Variants in KCNN2 observed in about 807,000 individuals in gnomAD.
KCNN2 encodes small conductance calcium-activated potassium channel protein 2.
A neutral mutation model predicts 55.5 loss-of-function variants in KCNN2; 24 were observed. The ratio of observed to expected loss-of-function variants is 0.43; its 90% CI spans 0.31 to 0.61. The LOEUF (loss-of-function observed/expected upper bound fraction) is 0.61, where lower values mean the gene tolerates loss of function less well. Ranked by LOEUF, KCNN2 falls within the 20% of genes least tolerant of loss-of-function variation. The pLI, the probability that KCNN2 is intolerant of heterozygous loss-of-function variation, is 0.08. For missense variants in KCNN2, 754 were observed against 853.6 expected (o/e 0.88, Z 1.45); for synonymous variants, 431 against 336.1 (o/e 1.28, Z -3.09).
chr5:114,473,545 CTG>C (rs1761844699), intron 5 of KCNN2, among the ~76,000 whole-genome samples: 1 of 152,128 alleles, frequency 6.6e-6, no homozygotes, highest in Non-Finnish European at 1.5e-5. Flanking sequence ...GATCAAGTCA[CTG>C]TTCTCAAGAC....
At chr5:114,217,906 A>G (rs1754039100) in intron 1 of KCNN2, among the ~76,000 whole-genome samples, 2 of 152,248 alleles carry the variant, frequency 1.3e-5, no homozygotes, top group Admixed American at 1.3e-4. Context: ...CAACAATAAG[A>G]AAATGACCAA....
chr5:114,451,765 C>G (rs112374932), intron 3 of KCNN2, among the ~76,000 whole-genome samples: 1 of 151,680 alleles, frequency 6.6e-6, no homozygotes, highest in Non-Finnish European at 1.5e-5. Flanking sequence ...GGCATGGTAG[C>G]GGGTGCCTGT....
chr5:114,488,686 A>ACAGGCATCTTC (rs1365278482), intron 6 of KCNN2, among the ~76,000 whole-genome samples: 7 of 152,110 alleles, frequency 4.6e-5, no homozygotes, highest in Admixed American at 1.3e-4. Context: ...TTCCTGTGGA[A>ACAGGCATCTTC]CAGGCATCTT....
chr5:114,441,095 A>G (rs140078622), intron 3 of KCNN2, among the ~76,000 whole-genome samples: 1 of 152,332 alleles, frequency 6.6e-6, no homozygotes, highest in African/African-American at 2.4e-5. Flanking sequence ...AGGAATAAAA[A>G]AAGATCACTA....
chr5:114,176,315 TA>T (rs1753130560), intron 1 of KCNN2, among the ~76,000 whole-genome samples: 1 of 152,208 alleles, frequency 6.6e-6, no homozygotes, highest in Non-Finnish European at 1.5e-5. Context: ...ACAACGCTTA[TA>T]ATCATAAGTT....
At chr5:114,080,495 T>C (rs1439532432) in intron 1 of KCNN2, among the ~76,000 whole-genome samples, 1 of 152,344 alleles carries the variant, frequency 6.6e-6, no homozygotes, top group East Asian at 1.9e-4. Context: ...ATTCATGTTA[T>C]CTGTTTCTTT....
At chr5:114,102,520 G>A (rs1751393523) in intron 1 of KCNN2, among the ~76,000 whole-genome samples, 1 of 152,174 alleles carries the variant, frequency 6.6e-6, no homozygotes, top group African/African-American at 2.4e-5. Flanking sequence ...CCATTCCTAT[G>A]TCCTGAATGG....
At chr5:114,316,537 G>A (rs1470931432) in intron 2 of KCNN2, among the ~76,000 whole-genome samples, 1 of 152,082 alleles carries the variant, frequency 6.6e-6, no homozygotes, top group Middle Eastern at 3.2e-3. Context: ...ACAATTGTTG[G>A]GTACTTTTCC....
intron 2 of KCNN2, among the ~76,000 whole-genome samples, chr5:114,327,830 T>C (rs1386205491): frequency 2.0e-5 from 3 of 152,200 alleles, no homozygotes; most frequent in African/African-American, 2.4e-5. Context: ...CAAACAGATA[T>C]ATGTCAATAT....
At chr5:114,423,296 C>A (rs1204933377) in intron 3 of KCNN2, among the ~76,000 whole-genome samples, 1 of 152,066 alleles carries the variant, frequency 6.6e-6, no homozygotes, top group African/African-American at 2.4e-5. Context: ...ATGGTGTCCT[C>A]AGATTTAATT....
intron 3 of KCNN2, among the ~76,000 whole-genome samples, chr5:114,415,877 T>A (rs1360788803): frequency 6.6e-6 from 1 of 152,172 alleles, no homozygotes; most frequent in Non-Finnish European, 1.5e-5. Flanking sequence ...TGTGTACCCT[T>A]GGCTTTCTCT....
intron 2 of KCNN2, among the ~76,000 whole-genome samples, chr5:114,241,206 C>G (rs1754611753): frequency 2.0e-5 from 3 of 151,578 alleles, no homozygotes; most frequent in African/African-American, 7.3e-5. Context: ...TCTAATGTCA[C>G]AAAAATAGCA....
At chr5:114,354,879 A>G (rs1262203375) in intron 2 of KCNN2, among the ~76,000 whole-genome samples, 5 of 152,192 alleles carry the variant, frequency 3.3e-5, no homozygotes, top group Non-Finnish European at 7.4e-5. Flanking sequence ...TACATTAATA[A>G]TTAAAACAGA....
At chr5:114,457,540 TCA>T (rs1262145712) in intron 3 of KCNN2, among the ~76,000 whole-genome samples, 1 of 152,196 alleles carries the variant, frequency 6.6e-6, no homozygotes, top group Non-Finnish European at 1.5e-5. Flanking sequence ...ACCTATGTTA[TCA>T]CAGTCTTTCT....
At chr5:114,393,389 G>T (rs895822101) in intron 2 of KCNN2, among the ~76,000 whole-genome samples, 1 of 152,088 alleles carries the variant, frequency 6.6e-6, no homozygotes, top group Admixed American at 6.6e-5. Context: ...GTGTTTGGCT[G>T]TGTACACTGT....
chr5:114,474,072 C>A lies in KCNN2; in HGVS notation c.1890+908C>A, dbSNP rs769064890. Among the ~76,000 whole-genome samples the A allele has an allele frequency of 1.9e-4, 29 of 152,238 alleles. No homozygotes were observed. The Middle Eastern group carries it at 0.01, about 54-fold the overall frequency. ...AGGCTGTCAGTGAAATAACAAAATA[C>A]ATTGTCAACTTGGTAACTTTACCCA... On this transcript the variant is annotated intron_variant, in intron 5 of 7. Coordinates refer to ENST00000673685, the MANE Select transcript of KCNN2 (RefSeq NM_021614.4).
intron 1 of KCNN2, among the ~76,000 whole-genome samples, chr5:114,135,973 G>T (rs1752166156): frequency 6.6e-6 from 1 of 152,064 alleles, no homozygotes; most frequent in Non-Finnish European, 1.5e-5. Flanking sequence ...GCTACATAAA[G>T]AAGGAACAGA....
intron 2 of KCNN2, among the ~76,000 whole-genome samples, chr5:114,278,338 TCA>T (rs972074615): frequency 3.5e-5 from 5 of 144,838 alleles, no homozygotes; most frequent in African/African-American, 1.5e-4. Flanking sequence ...CTGTCCATTA[TCA>T]GAGCTCGAAT....
At chr5:114,113,460 G>C (rs1384532329) in intron 1 of KCNN2, among the ~76,000 whole-genome samples, 4 of 151,998 alleles carry the variant, frequency 2.6e-5, no homozygotes, top group Non-Finnish European at 5.9e-5. Context: ...TCCCTCTTAG[G>C]TTCATTGGCT....
Sources: gnomAD v4.1 joint callset for allele counts (sites outside exome capture counted in the v4.1 genomes callset) on GRCh38, gnomAD v4.1.1 for gene constraint, MANE v1.5 for transcripts, NCBI Gene and HGNC (gene_info 2026-07-23, HGNC 2026-07-21) for gene names.